Variants in CCDC85A observed in about 807,000 individuals in gnomAD.
CCDC85A encodes the protein coiled-coil domain containing 85A.
In CCDC85A, 38 loss-of-function variants were observed where a neutral mutation model predicts 50.2. The ratio of observed to expected loss-of-function variants is 0.76; its 90% CI spans 0.58 to 0.99. The LOEUF (loss-of-function observed/expected upper bound fraction) is 0.99, where lower values mean the gene tolerates loss of function less well. Among genes scored for constraint, CCDC85A ranks in the 50% least tolerant of loss-of-function variants. CCDC85A has a pLI of 0.00. For missense variants in CCDC85A, 820 were observed against 742.0 expected (o/e 1.11, Z -1.22); for synonymous variants, 366 against 301.4 (o/e 1.21, Z -2.22).
At chr2:56,282,353 T>C (rs1192640131) in intron 2 of CCDC85A, among the ~76,000 whole-genome samples, 1 of 152,206 alleles carries the variant, frequency 6.6e-6, no homozygotes, top group Non-Finnish European at 1.5e-5. Flanking sequence ...CTCTACATTT[T>C]TGTTGTTGTT....
At chr2:56,378,831 A>T (rs1344247705) in intron 5 of CCDC85A, among the ~76,000 whole-genome samples, 3 of 152,230 alleles carry the variant, frequency 2.0e-5, no homozygotes, top group African/African-American at 7.2e-5. Context: ...AGTAGAATCA[A>T]GTAGCTTAGC....
At chr2:56,331,697 A>C (rs1249827505) in intron 2 of CCDC85A, among the ~76,000 whole-genome samples, 2 of 152,232 alleles carry the variant, frequency 1.3e-5, no homozygotes, top group Non-Finnish European at 2.9e-5. Context: ...ATTCTTTTAT[A>C]GAAAATACTA....
intron 2 of CCDC85A, among the ~76,000 whole-genome samples, chr2:56,282,137 T>G (rs1393620004): frequency 6.6e-6 from 1 of 152,156 alleles, no homozygotes; most frequent in East Asian, 1.9e-4. Context: ...AGTTTTTTTT[T>G]TATGGATATC....
chr2:56,286,869 A>T (rs966723805), intron 2 of CCDC85A, among the ~76,000 whole-genome samples: 1 of 152,196 alleles, frequency 6.6e-6, no homozygotes, highest in African/African-American at 2.4e-5. Flanking sequence ...TCTGGAAAGC[A>T]GTTAAATTAC....
chr2:56,198,620 G>T (rs995171613), intron 2 of CCDC85A, among the ~76,000 whole-genome samples: 1 of 152,114 alleles, frequency 6.6e-6, no homozygotes, highest in East Asian at 1.9e-4. Flanking sequence ...GTTTGTTTAA[G>T]AAAATTGCAA....
intron 5 of CCDC85A, 84 bp from the exon 6 acceptor site, chr2:56,384,182 C>G: frequency 8.4e-7 from 1 of 1,189,102 alleles, no homozygotes; most frequent in Non-Finnish European, 1.2e-6. Flanking sequence ...ATCTTCGCTC[C>G]TCTCTTAATT....
Position 56,193,035 on chromosome 2 carries a change from C to T in CCDC85A, c.835C>T (p.Pro279Ser), listed in dbSNP as rs1318665672. The T allele has an allele frequency of 1.2e-6, 2 of 1,613,742 alleles. No individual in the cohort carries two copies. The highest frequency in any genetic ancestry group is 1.3e-5 in the African/African-American group (1 of 74,874). Residue 279 changes from proline to serine, a missense_variant, in exon 2 of 6, where the codon CCG (proline) becomes TCG (serine). Pro to Ser is a moderately conservative substitution (Grantham distance 74). Coordinates refer to ENST00000407595, the MANE Select transcript of CCDC85A (RefSeq NM_001080433.2). ...DRPKALKGPS[P>S]EHHKPLCKGS... ...CCCCAAAGCACTCAAAGGACCTAGC[C>T]CGGAGCACCACAAACCCTTGTGCAA... is the stretch of plus-strand genomic sequence containing the variant.
chr2:56,193,403 G>T lies in CCDC85A; in HGVS notation c.1203G>T (p.Gly401=). The T allele has an allele frequency of 6.2e-7, 1 of 1,610,618 alleles. No individual in the cohort carries two copies. Among genetic ancestry groups the T allele is most frequent in the Non-Finnish European group, 8.5e-7 (1 of 1,178,456 alleles). The stretch of plus-strand genomic sequence containing the variant: ...TCAGACGGCAGGCACAGGAGGACGG[G>T]TCACCCCATCACCGGAATGTCTACA... ...GTLRRQAQED[G]SPHHRNVYSG... The change falls in exon 2 of 6, where the codon GGG becomes GGT. Residue 401 remains glycine (G), a synonymous_variant. Transcript: ENST00000407595.
At chr2:56,203,127 A>G (rs1573017514) in intron 2 of CCDC85A, among the ~76,000 whole-genome samples, 1 of 152,178 alleles carries the variant, frequency 6.6e-6, no homozygotes, top group Admixed American at 6.5e-5. Context: ...ACAAAAGCTG[A>G]CCAGAATTGC....
At chr2:56,258,849 A>G (rs1670097975) in intron 2 of CCDC85A, among the ~76,000 whole-genome samples, 1 of 152,176 alleles carries the variant, frequency 6.6e-6, no homozygotes, top group African/African-American at 2.4e-5. Context: ...AATATGGAGG[A>G]CTTCCAGTTG....
chr2:56,381,242 G>T (rs961729155), intron 5 of CCDC85A, among the ~76,000 whole-genome samples: 2 of 151,976 alleles, frequency 1.3e-5, no homozygotes, highest in African/African-American at 4.8e-5. Context: ...TTCACTTTCT[G>T]TAGCTTTTCA....
chr2:56,275,608 G>T (rs955159350), intron 2 of CCDC85A, among the ~76,000 whole-genome samples: 1 of 152,176 alleles, frequency 6.6e-6, no homozygotes, highest in Admixed American at 6.5e-5. Flanking sequence ...TTAGGACAGA[G>T]CTTTCTACTA....
At chr2:56,267,826 A>G (rs959720966) in intron 2 of CCDC85A, among the ~76,000 whole-genome samples, 9 of 152,238 alleles carry the variant, frequency 5.9e-5, no homozygotes, top group East Asian at 1.9e-4. Flanking sequence ...GGATTTAGAT[A>G]CATCTGAAAT....
At chr2:56,232,288 A>G (rs888785754) in intron 2 of CCDC85A, among the ~76,000 whole-genome samples, 1 of 151,842 alleles carries the variant, frequency 6.6e-6, no homozygotes, top group Non-Finnish European at 1.5e-5. Context: ...CCCCTTAGCT[A>G]TTTCCCCCCT....
At chr2:56,232,957 C>T (rs932028630) in intron 2 of CCDC85A, among the ~76,000 whole-genome samples, 1 of 152,152 alleles carries the variant, frequency 6.6e-6, no homozygotes. Flanking sequence ...TTACCTTCCT[C>T]TAGAGGGTTC....
At chr2:56,327,860 A>C (rs1673558486) in intron 2 of CCDC85A, among the ~76,000 whole-genome samples, 1 of 151,064 alleles carries the variant, frequency 6.6e-6, no homozygotes, top group South Asian at 2.1e-4. Context: ...AAAGATTTTA[A>C]GCATTGCCCG....
intron 3 of CCDC85A, among the ~76,000 whole-genome samples, chr2:56,367,176 G>A (rs1675836602): frequency 6.6e-6 from 1 of 152,128 alleles, no homozygotes; most frequent in South Asian, 2.1e-4. Context: ...CATACTATAT[G>A]TCTCTATCTC....
chr2:56,386,040 A>C lies in CCDC85A; in HGVS notation c.*1685A>C, dbSNP rs1676804652. The C allele has an allele frequency of 2.6e-5, 4 of 152,230 alleles. No homozygotes were observed. Among genetic ancestry groups the C allele is most frequent in the African/African-American group, 9.7e-5 (4 of 41,422 alleles). The allele number at this position is 152,230 out of a possible 1,614,324, so 9.4% of individuals were successfully genotyped here. A position where few individuals can be genotyped will look rare whatever the true frequency, so the allele number is the denominator to read the frequency against. ...GCCTGCAGAAGCTAATACAAGGGAC[A>C]CTGGTCTTTTGACAAAATAAACTTG... On this transcript the variant is annotated 3_prime_UTR_variant, in exon 6 of 6. Coordinates refer to ENST00000407595, the MANE Select transcript of CCDC85A (RefSeq NM_001080433.2).
chr2:56,266,925 T>G (rs1670474561), intron 2 of CCDC85A, among the ~76,000 whole-genome samples: 1 of 152,136 alleles, frequency 6.6e-6, no homozygotes, highest in Non-Finnish European at 1.5e-5. Context: ...GTGGTTTGTT[T>G]TGGAGAAAAA....
Sources: allele counts gnomAD v4.1 joint callset (sites outside exome capture counted in the v4.1 genomes callset), GRCh38; gene constraint gnomAD v4.1.1; transcripts MANE v1.5; gene names NCBI Gene and HGNC (gene_info 2026-07-23, HGNC 2026-07-21).